PRKD2: variants seen among roughly 807,000 people sequenced by gnomAD.
PRKD2 encodes protein kinase D2, also known as serine/threonine-protein kinase D2.
PRKD2 carries 22 observed loss-of-function variants against 86.0 expected under a neutral mutation model. That is an observed-to-expected ratio of 0.26 (90% CI 0.18 to 0.37). The LOEUF (loss-of-function observed/expected upper bound fraction) is 0.37, where lower values mean the gene tolerates loss of function less well. PRKD2 is among the 10% of genes least tolerant of loss of function. The pLI is 1.00. For missense variants in PRKD2, 818 were observed against 1,199.2 expected (o/e 0.68, Z 4.70); for synonymous variants, 509 against 510.9 (o/e 1.00, Z 0.05).
intron 1 of PRKD2, chr19:46,714,420 G>A: frequency 1.7e-6 from 1 of 598,650 alleles, no homozygotes; most frequent in Non-Finnish European, 2.1e-6. Context: ...CTGGCTCCAG[G>A]CCCAGCACTG....
chr19:46,681,212 T>C (rs2053301414), intron 15 of PRKD2, among the ~76,000 whole-genome samples: 1 of 150,346 alleles, frequency 6.7e-6, no homozygotes, highest in Non-Finnish European at 1.5e-5. Flanking sequence ...CGCCTCGGCC[T>C]CCCAAAGTGC....
chr19:46,688,560 C>T (rs1385788867), intron 14 of PRKD2, among the ~76,000 whole-genome samples: 1 of 151,574 alleles, frequency 6.6e-6, no homozygotes, highest in Non-Finnish European at 1.5e-5. Flanking sequence ...CCTCAGCCTC[C>T]CAAGTAGCTA....
At chr19:46,698,181 A>T (rs1411278846) in intron 7 of PRKD2, among the ~76,000 whole-genome samples, 1 of 151,834 alleles carries the variant, frequency 6.6e-6, no homozygotes, top group African/African-American at 2.4e-5. Flanking sequence ...CCCCTGGCTA[A>T]TTTTTGTATT....
chr19:46,711,184 G>A (rs1342382567), intron 2 of PRKD2, 146 bp from the exon 3 acceptor site: 1 of 1,216,446 alleles, frequency 8.2e-7, no homozygotes, highest in East Asian at 2.6e-5. Context: ...ACTACATTCT[G>A]CCTGGGTTCA....
At chr19:46,714,220 G>A in intron 1 of PRKD2, 1 of 1,316,928 alleles carries the variant, frequency 7.6e-7, no homozygotes, top group Non-Finnish European at 9.7e-7. Flanking sequence ...CGTGGGTTTG[G>A]TGGCTGGAAG....
Position 46,716,017 on chromosome 19 carries a change from C to T in PRKD2, c.240+114G>A. On this transcript the variant is annotated intron_variant, in intron 1 of 17. Transcript: ENST00000291281. The surrounding 1 kb of genome is among the most constrained non-coding windows in gnomAD (Gnocchi z 7.9). ...GCAATGCCCCCTATCCCTCCATCACCCAAAGCTCAGGTCTCCTTCCTCCCT... is the reference window on the plus strand; with the variant it reads ...GCAATGCCCCCTATCCCTCCATCACTCAAAGCTCAGGTCTCCTTCCTCCCT... The T allele has an allele frequency of 1.4e-6, 2 of 1,452,282 alleles. 1 individual carries two copies. Among genetic ancestry groups the T allele is most frequent in the South Asian group, 2.8e-5 (2 of 71,130 alleles). 90.0% of individuals were successfully genotyped at this position (1,452,282 alleles called of 1,614,324 possible).
At position 46,697,780 on chromosome 19, in the gene PRKD2, T is replaced by TGGTGCGCTGC; in HGVS notation, c.1191_1192insGCAGCGCACC (p.Thr398AlafsTer45). 6.2e-7 allele frequency: 1 copy of TGGTGCGCTGC among 1,614,068 alleles called. No homozygotes were observed. The highest frequency in any genetic ancestry group is 8.5e-7 in the Non-Finnish European group (1 of 1,180,012). On this transcript the variant is annotated frameshift_variant, in exon 8 of 18. Coordinates refer to ENST00000291281, the MANE Select transcript of PRKD2 (RefSeq NM_016457.5). LOFTEE classifies it high-confidence loss of function. ...TGAACCACCCAACCCTCCCGCAGCGTGGTGCTGGATTTCCGCGTCGTGTGT... is the reference window on the plus strand; with the variant it reads ...TGAACCACCCAACCCTCCCGCAGCGTGGTGCGCTGCGGTGCTGGATTTCCGCGTCGTGTGT...
intron 8 of PRKD2, chr19:46,697,458 C>T: frequency 3.4e-6 from 2 of 592,064 alleles, no homozygotes; most frequent in South Asian, 2.0e-5. Context: ...GACTCGCCCC[C>T]ACTTAGCCCT....
chr19:46,676,768 A>G, intron 16 of PRKD2, among the ~76,000 whole-genome samples: 1 of 152,200 alleles, frequency 6.6e-6, no homozygotes, highest in East Asian at 1.9e-4. Flanking sequence ...GGGTCTCAAA[A>G]GACAATGCTG....
At chr19:46,676,535 T>C (rs2053206213) in intron 16 of PRKD2, among the ~76,000 whole-genome samples, 2 of 152,184 alleles carry the variant, frequency 1.3e-5, no homozygotes, top group Non-Finnish European at 2.9e-5. Flanking sequence ...CTAGCGAATG[T>C]CAAGCTTCAA....
At chr19:46,701,688 T>TA (rs1368814590) in intron 5 of PRKD2, among the ~76,000 whole-genome samples, 3 of 151,654 alleles carry the variant, frequency 2.0e-5, no homozygotes, top group African/African-American at 4.8e-5. Context: ...TTATTGGTTC[T>TA]AATGTGCTGT....
chr19:46,675,727 G>A (rs920277399), intron 16 of PRKD2, among the ~76,000 whole-genome samples: 2 of 151,484 alleles, frequency 1.3e-5, no homozygotes, highest in African/African-American at 2.4e-5. Flanking sequence ...TTACAGGCAT[G>A]AGCCACTGCG....
intron 14 of PRKD2, among the ~76,000 whole-genome samples, chr19:46,687,376 A>G (rs1197496662): frequency 6.6e-6 from 1 of 150,966 alleles, no homozygotes; most frequent in Non-Finnish European, 1.5e-5. Context: ...CGGGTGACAG[A>G]GCGAGACCCT....
At chr19:46,705,993 A>C (rs1288888418) in intron 3 of PRKD2, among the ~76,000 whole-genome samples, 1 of 151,720 alleles carries the variant, frequency 6.6e-6, no homozygotes, top group Non-Finnish European at 1.5e-5. Flanking sequence ...GAGTAGCCAG[A>C]ACCACAGACA....
chr19:46,680,942 A>ATTTTTT (rs1568714594), intron 15 of PRKD2, among the ~76,000 whole-genome samples: 1 of 48,176 alleles, frequency 2.1e-5, no homozygotes, highest in Non-Finnish European at 4.3e-5. Flanking sequence ...ATATATATAT[A>ATTTTTT]TATATTTTTT....
chr19:46,709,976 C>A (rs1436859941), intron 3 of PRKD2, among the ~76,000 whole-genome samples: 1 of 151,956 alleles, frequency 6.6e-6, no homozygotes, highest in Non-Finnish European at 1.5e-5. Context: ...CGGCTCACTG[C>A]AACCTCCTCC....
chr19:46,703,331 A>G (rs1023760024), intron 5 of PRKD2, among the ~76,000 whole-genome samples: 3 of 152,152 alleles, frequency 2.0e-5, no homozygotes, highest in Non-Finnish European at 4.4e-5. Flanking sequence ...CCAAGGTTCT[A>G]AAGACTGAGG....
chr19:46,701,154 A>T, intron 5 of PRKD2, 42 bp from the exon 6 acceptor site: 1 of 1,590,584 alleles, frequency 6.3e-7, no homozygotes, highest in South Asian at 1.1e-5. Flanking sequence ...GAAGGGGAAG[A>T]GAGGTTACCT....
chr19:46,710,569 G>T, intron 3 of PRKD2: 1 of 267,626 alleles, frequency 3.7e-6, no homozygotes, highest in Non-Finnish European at 7.1e-6. Flanking sequence ...ATCTCCTCCT[G>T]GATGTTTCTC....
Sources: allele counts gnomAD v4.1 joint callset (sites outside exome capture counted in the v4.1 genomes callset), GRCh38; gene constraint gnomAD v4.1.1; non-coding constraint Gnocchi (gnomAD v3.1); transcripts MANE v1.5; gene names NCBI Gene and HGNC (gene_info 2026-07-23, HGNC 2026-07-21).